CDH18: variants seen among roughly 807,000 people sequenced by gnomAD.
The protein encoded by CDH18 is cadherin 18, also known as cadherin-18.
A neutral mutation model predicts 67.9 loss-of-function variants in CDH18; 31 were observed. That is an observed-to-expected ratio of 0.46 (90% CI 0.34 to 0.62). CDH18 has a LOEUF of 0.62. CDH18 is among the 20% of genes least tolerant of loss of function. The pLI is 0.01. For missense variants in CDH18, 890 were observed against 975.5 expected, an observed-to-expected ratio of 0.91 and a Z score of 1.17; for synonymous variants, 362 against 347.2, an observed-to-expected ratio of 1.04 and a Z score of -0.48.
At chr5:19,941,765 T>G (rs949831583) in intron 2 of CDH18, among the ~76,000 whole-genome samples, 3 of 151,866 alleles carry the variant, frequency 2.0e-5, no homozygotes, top group Admixed American at 1.3e-4. Flanking sequence ...CCATCCTGGG[T>G]GACAGAGCAA....
intron 5 of CDH18, among the ~76,000 whole-genome samples, chr5:19,638,283 C>G (rs1479399959): frequency 6.6e-6 from 1 of 152,132 alleles, no homozygotes; most frequent in Non-Finnish European, 1.5e-5. Flanking sequence ...AAAGTCAGAC[C>G]TCAATCCTCA....
intron 1 of CDH18, among the ~76,000 whole-genome samples, chr5:20,487,758 CAT>C (rs35706215): frequency 0.9 from 135,598 of 150,248 alleles, 61,814 homozygotes; most frequent in East Asian, 0.96. Context: ...AAATAGCATG[CAT>C]ATATATATAT....
chr5:19,697,328 G>T (rs1031222879), intron 5 of CDH18, among the ~76,000 whole-genome samples: 1 of 152,064 alleles, frequency 6.6e-6, no homozygotes, highest in Admixed American at 6.6e-5. Flanking sequence ...AATCTCAGTT[G>T]CATATTTAAT....
rs1056050816 is a variant in CDH18 at position 20,103,132 on chromosome 5, G to A, written c.-517-111118C>T. Among the ~76,000 whole-genome samples, 5 of 152,172 alleles carry A rather than the reference G, an allele frequency of 3.3e-5. No homozygotes were observed. In the East Asian group the frequency reaches 7.8e-4, roughly 24 times the overall value. On this transcript the variant is annotated intron_variant, in intron 2 of 14. Transcript: ENST00000507958. ...CCATGCTTGCTTTGCTATGTCATGC[G>A]TCCCCAGTACAGACAAGCGTTCTTT...
intron 1 of CDH18, among the ~76,000 whole-genome samples, chr5:20,335,213 G>A (rs1419615803): frequency 6.6e-6 from 1 of 151,856 alleles, no homozygotes; most frequent in East Asian, 1.9e-4. Context: ...GTAGCAAGGT[G>A]GACTTCTTCT....
At chr5:20,051,285 T>C (rs1029593401) in intron 2 of CDH18, among the ~76,000 whole-genome samples, 1 of 151,950 alleles carries the variant, frequency 6.6e-6, no homozygotes. Flanking sequence ...CACTATCTTT[T>C]CTGACATAAT....
At chr5:19,773,707 G>C (rs2149749515) in intron 3 of CDH18, among the ~76,000 whole-genome samples, 1 of 152,220 alleles carries the variant, frequency 6.6e-6, no homozygotes, top group South Asian at 2.1e-4. Flanking sequence ...AAAAATAGAA[G>C]ATGATATAAA....
At chr5:20,410,264 C>T (rs1746654975) in intron 1 of CDH18, among the ~76,000 whole-genome samples, 1 of 151,724 alleles carries the variant, frequency 6.6e-6, no homozygotes, top group Non-Finnish European at 1.5e-5. Flanking sequence ...GAAACAATAG[C>T]ACATTAAAAT....
At chr5:20,518,412 T>G (rs1305301872) in intron 1 of CDH18, among the ~76,000 whole-genome samples, 1 of 152,138 alleles carries the variant, frequency 6.6e-6, no homozygotes, top group Non-Finnish European at 1.5e-5. Context: ...CAAAAGTCTA[T>G]ATCATCTCCC....
At chr5:19,765,449 A>T (rs1772953737) in intron 3 of CDH18, among the ~76,000 whole-genome samples, 1 of 151,090 alleles carries the variant, frequency 6.6e-6, no homozygotes, top group Non-Finnish European at 1.5e-5. Context: ...TTGTTTGGGG[A>T]TTTCTCATCA....
chr5:20,016,357 T>G (rs2150423846), intron 2 of CDH18, among the ~76,000 whole-genome samples: 1 of 152,172 alleles, frequency 6.6e-6, no homozygotes, highest in East Asian at 1.9e-4. Context: ...AAAATAACTC[T>G]TGGGTACTAT....
chr5:20,566,903 G>A (rs1280895293), intron 1 of CDH18, among the ~76,000 whole-genome samples: 1 of 152,140 alleles, frequency 6.6e-6, no homozygotes, highest in African/African-American at 2.4e-5. Flanking sequence ...TGAGTAATTG[G>A]AAAAGCGATT....
intron 6 of CDH18, among the ~76,000 whole-genome samples, chr5:19,611,716 G>A (rs1048789431): frequency 7.2e-5 from 11 of 152,006 alleles, no homozygotes; most frequent in African/African-American, 1.2e-4. Context: ...AGTGACTGTC[G>A]TATAAAATGT....
In CDH18 at chr5:20,090,982, C is replaced by A. The variant is rs929240080; in HGVS notation, c.-517-98968G>T. On this transcript the variant is annotated intron_variant, in intron 2 of 14. Transcript: ENST00000507958. ...GGAGAATGACTTGAGCCTGGGATAT[C>A]GAGGCTTCAGTGAGCTGAGATTGCA... Among the ~76,000 whole-genome samples, 5 of 150,810 alleles carry A rather than the reference C, an allele frequency of 3.3e-5. No homozygotes were observed. The East Asian group carries it at 9.8e-4, about 29-fold the overall frequency.
chr5:20,085,639 G>A (rs1580204185), intron 2 of CDH18, among the ~76,000 whole-genome samples: 1 of 152,182 alleles, frequency 6.6e-6, no homozygotes, highest in East Asian at 1.9e-4. Context: ...AGTTCCACAT[G>A]GCTGGGGAAG....
At chr5:20,539,749 CACACACAA>C (rs1174115294) in intron 1 of CDH18, among the ~76,000 whole-genome samples, 1 of 128,884 alleles carries the variant, frequency 7.8e-6, no homozygotes. Context: ...CACACACACA[CACACACAA>C]ACACACACAC....
intron 1 of CDH18, among the ~76,000 whole-genome samples, chr5:20,481,455 G>GA (rs1394308492): frequency 6.6e-6 from 1 of 151,992 alleles, no homozygotes; most frequent in Admixed American, 6.6e-5. Flanking sequence ...CAGCACTATA[G>GA]AAAAAATGGA....
intron 8 of CDH18, among the ~76,000 whole-genome samples, chr5:19,558,819 A>G (rs1244912301): frequency 6.6e-6 from 1 of 151,964 alleles, no homozygotes; most frequent in Non-Finnish European, 1.5e-5. Context: ...TCATTCTAAT[A>G]CTAAAACCAA....
chr5:20,331,173 A>C (rs1315178774), intron 1 of CDH18, among the ~76,000 whole-genome samples: 1 of 152,186 alleles, frequency 6.6e-6, no homozygotes, highest in East Asian at 1.9e-4. Flanking sequence ...ACCTCTGTCT[A>C]CCCTTTGGGA....
Sources: allele counts gnomAD v4.1 joint callset (sites outside exome capture counted in the v4.1 genomes callset), GRCh38; gene constraint gnomAD v4.1.1; transcripts MANE v1.5; gene names NCBI Gene and HGNC (gene_info 2026-07-23, HGNC 2026-07-21).